The following FGF17 variants were observed in gnomAD, a reference collection of about 807,000 sequenced individuals.
FGF17 encodes fibroblast growth factor 17.
A neutral mutation model predicts 23.5 loss-of-function variants in FGF17; 5 were observed. The ratio of observed to expected loss-of-function variants is 0.21; its 90% CI spans 0.11 to 0.45. The LOEUF is 0.45. Ranked by LOEUF, FGF17 falls within the 20% of genes least tolerant of loss-of-function variation. FGF17 has a pLI of 0.99. For missense variants in FGF17, 221 were observed against 306.9 expected (o/e 0.72, Z 2.09); for synonymous variants, 136 against 123.0 (o/e 1.11, Z -0.70).
intron 2 of FGF17, chr8:22,044,828 A>C (rs753173403): frequency 2.7e-5 from 27 of 985,416 alleles, no homozygotes; most frequent in Non-Finnish European, 3.3e-5. Flanking sequence ...CCCTGCCTCA[A>C]AGGTGATATT....
chr8:22,043,356 G>A (rs1361044803), intron 2 of FGF17, among the ~76,000 whole-genome samples, 175 bp downstream of exon 2: 1 of 152,100 alleles, frequency 6.6e-6, no homozygotes, highest in Non-Finnish European at 1.5e-5. Context: ...GCAGGGAAGG[G>A]GGCTGACTGA....
chr8:22,043,789 A>G (rs886502237), intron 2 of FGF17, among the ~76,000 whole-genome samples: 1 of 74,970 alleles, frequency 1.3e-5, no homozygotes, highest in Admixed American at 1.6e-4. Context: ...CCCACCCCCA[A>G]GTCTCAGCCC....
chr8:22,042,760 T>G, upstream of FGF17: 2 of 519,662 alleles, frequency 3.8e-6, no homozygotes, highest in African/African-American at 2.0e-5. Flanking sequence ...CTCCCCCTCC[T>G]CCTCCCTCTT....
At chr8:22,047,823 G>T in intron 4 of FGF17, 133 bp from the exon 5 acceptor site, 1 of 810,566 alleles carries the variant, frequency 1.2e-6, no homozygotes. Context: ...CATCTCACCA[G>T]GCAGAGTTCC....
rs1800873298 is a variant in FGF17 at position 22,046,583 on chromosome 8, G to A, written c.307G>A (p.Glu103Lys). 3 of 1,614,006 alleles carry A rather than the reference G, an allele frequency of 1.9e-6. No individual in the cohort carries two copies. Among genetic ancestry groups the A allele is most frequent in the South Asian group, 1.1e-5 (1 of 91,070 alleles). ...FGSRVRIKGA[E>K]SEKYICMNKR... ...CAGCCGGGTTCGCATCAAAGGGGCT[G>A]AGAGTGAGAAGTACATCTGTATGAA... Residue 103 changes from glutamate to lysine, a missense_variant, in exon 4 of 5, where the codon GAG becomes AAG. Physicochemically the swap from Glu to Lys is moderately conservative, Grantham distance 56 (BLOSUM62 1). Coordinates refer to ENST00000359441, the MANE Select transcript of FGF17 (RefSeq NM_003867.4).
Position 22,048,354 on chromosome 8 carries a change from G to A in FGF17, c.*105G>A. 9.4e-7 allele frequency: 1 copy of A among 1,067,604 alleles called. No individual in the cohort carries two copies. The highest frequency in any genetic ancestry group is 1.3e-6 in the Non-Finnish European group (1 of 757,924). The allele number at this position is 1,067,604 out of a possible 1,614,324, so 66.1% of individuals were successfully genotyped here. ...GCGGGAGGGGAGCCAGATCCCCGAG[G>A]GAGGACCCTGAGGGCCGCGAAGCAT... is the stretch of plus-strand genomic sequence containing the variant. On this transcript the variant is annotated 3_prime_UTR_variant, in exon 5 of 5. Transcript: ENST00000359441. The surrounding 1 kb of genome is among the most constrained non-coding windows in gnomAD (Gnocchi z 6.9).
chr8:22,044,001 G>C (rs1051696077), intron 2 of FGF17, among the ~76,000 whole-genome samples: 1 of 151,790 alleles, frequency 6.6e-6, no homozygotes, highest in African/African-American at 2.4e-5. Flanking sequence ...TTGAAGCAGT[G>C]GGGGGGTGGG....
intron 3 of FGF17, 40 bp downstream of exon 3, chr8:22,046,331 C>A (rs1179522546): frequency 6.3e-7 from 1 of 1,593,750 alleles, no homozygotes; most frequent in East Asian, 2.2e-5. Flanking sequence ...CACACCTCCA[C>A]TCTGCCTCAC....
In FGF17 at chr8:22,046,515, C is replaced by A; in HGVS notation, c.251-12C>A. ...CGATGGACGGAGGTCTTTCTCCCCT[C>A]CCCCACCACAGCCAAGCTCATAGTG... On this transcript the variant is annotated splice_polypyrimidine_tract_variant and intron_variant, in intron 3 of 4. Transcript: ENST00000359441. 6.2e-7 allele frequency: 1 copy of A among 1,605,756 alleles called. No individual in the cohort carries two copies. Among genetic ancestry groups the A allele is most frequent in the South Asian group, 1.1e-5 (1 of 90,854 alleles).
chr8:22,048,314 G>A lies in FGF17; in HGVS notation c.*65G>A. 1 of 1,365,474 alleles carries A rather than the reference G, an allele frequency of 7.3e-7. No individual in the cohort carries two copies. The highest frequency in any genetic ancestry group is 1.4e-5 in the South Asian group (1 of 72,414). The allele number at this position is 1,365,474 out of a possible 1,614,324, so 84.6% of individuals were successfully genotyped here. Reference sequence around the variant, plus strand: ...CACCCCTTTCCCTTCTTAATCCAAGGACTGGGCTGGGGTGGCGGGAGGGGA... The same window carrying A: ...CACCCCTTTCCCTTCTTAATCCAAGAACTGGGCTGGGGTGGCGGGAGGGGA... On this transcript the variant is annotated 3_prime_UTR_variant, in exon 5 of 5. Transcript: ENST00000359441. This position sits in a 1 kb window ranked among gnomAD's most constrained non-coding sequence, Gnocchi z 6.9.
chr8:22,041,286 G>A (rs3176254), upstream of FGF17, among the ~76,000 whole-genome samples: 3,885 of 152,334 alleles, frequency 0.026, 130 homozygotes, highest in South Asian at 0.17. Context: ...GCACTGGTCA[G>A]TGCATGGGGG....
At chr8:22,042,754 CCCTCCTCCTCCCTCTTTTCTCTCCT>C, upstream of FGF17, 1 of 634,200 alleles carries the variant, frequency 1.6e-6, no homozygotes, top group Non-Finnish European at 2.8e-6. Context: ...CTCCTCCTCC[CCCTCCTCCTCCCTCTTTTCTCTCCT>C]CCTCCTCCCC....
chr8:22,041,715 A>G (rs779793163), upstream of FGF17, among the ~76,000 whole-genome samples: 3 of 152,228 alleles, frequency 2.0e-5, no homozygotes, highest in Non-Finnish European at 4.4e-5. Context: ...GCAGAACAGA[A>G]GAAGCATGGA....
chr8:22,045,234 G>C lies in FGF17; in HGVS notation c.73-880G>C, dbSNP rs998367479. 3.0e-6 allele frequency: 3 copies of C among 985,446 alleles called. No homozygotes were observed. In the African/African-American group the frequency reaches 5.2e-5, roughly 17 times the overall value. 61.0% of individuals were successfully genotyped at this position (985,446 alleles called of 1,614,324 possible). A position where few individuals can be genotyped will look rare whatever the true frequency, so the allele number is the denominator to read the frequency against. ...CTCCCCCAACCCAAAGGGGAAGCAG[G>C]TGGGCGGGCGCATCCCACCAACTGG... On this transcript the variant is annotated intron_variant, in intron 2 of 4. Coordinates refer to ENST00000359441, the MANE Select transcript of FGF17 (RefSeq NM_003867.4).
At position 22,042,889 on chromosome 8, in the gene FGF17, TG is replaced by T; in HGVS notation, c.-35del. The T allele has an allele frequency of 6.2e-7, 1 of 1,611,788 alleles. No individual in the cohort carries two copies. Among genetic ancestry groups the T allele is most frequent in the Non-Finnish European group, 8.5e-7 (1 of 1,178,948 alleles). On this transcript the variant is annotated 5_prime_UTR_variant, in exon 1 of 5. Coordinates refer to ENST00000359441, the MANE Select transcript of FGF17 (RefSeq NM_003867.4). ...GACTTCCCACATCTGCTCCTGAGCTTGGGGGCAGGGGGGCAACCGCCTGAGG... is the reference window on the plus strand; with the variant it reads ...GACTTCCCACATCTGCTCCTGAGCTTGGGGCAGGGGGGCAACCGCCTGAGG...
chr8:22,045,543 A>G, intron 2 of FGF17: 5 of 993,934 alleles, frequency 5.0e-6, no homozygotes, highest in Non-Finnish European at 6.0e-6. Context: ...AGAAATGCTC[A>G]TGGGACCCTG....
chr8:22,048,283 C>T lies in FGF17; in HGVS notation c.*34C>T, dbSNP rs1351521399. On this transcript the variant is annotated 3_prime_UTR_variant, in exon 5 of 5. Transcript: ENST00000359441. The surrounding 1 kb of genome is among the most constrained non-coding windows in gnomAD (Gnocchi z 6.9). ...GCAGGGGGCAGCAGCCCCTGGGCCG[C>T]CTCCCCACCCCTTTCCCTTCTTAAT... 3 of 1,504,472 alleles carry T rather than the reference C, an allele frequency of 2.0e-6. No individual in the cohort carries two copies. The highest frequency in any genetic ancestry group is 1.2e-5 in the South Asian group (1 of 82,650). The allele number at this position is 1,504,472 out of a possible 1,614,324, so 93.2% of individuals were successfully genotyped here. A position where few individuals can be genotyped will look rare whatever the true frequency, so the allele number is the denominator to read the frequency against.
chr8:22,040,084 C>T (rs995760106), upstream of FGF17, among the ~76,000 whole-genome samples: 2 of 152,106 alleles, frequency 1.3e-5, no homozygotes, highest in Non-Finnish European at 2.9e-5. Flanking sequence ...TTCCCTCCCC[C>T]TTTCCCCGAG....
At chr8:22,044,242 C>T (rs1031827511) in intron 2 of FGF17, among the ~76,000 whole-genome samples, 6 of 152,080 alleles carry the variant, frequency 3.9e-5, no homozygotes, top group Non-Finnish European at 7.4e-5. Context: ...GGTGGCAAAG[C>T]GGTCCTTTCC....
Sources: allele counts gnomAD v4.1 joint callset (sites outside exome capture counted in the v4.1 genomes callset), GRCh38; gene constraint gnomAD v4.1.1; non-coding constraint Gnocchi (gnomAD v3.1); transcripts MANE v1.5; gene names NCBI Gene and HGNC (gene_info 2026-07-23, HGNC 2026-07-21).